Variants in ATP8B3 observed in about 807,000 individuals in gnomAD.
ATP8B3 encodes the protein phospholipid-transporting ATPase IK.
ATP8B3 carries 141 observed loss-of-function variants against 140.9 expected under a neutral mutation model. That is an observed-to-expected ratio of 1.00 (90% CI 0.87 to 1.15). The LOEUF is 1.15. Ranked by LOEUF, ATP8B3 falls within the 50% of genes most tolerant of loss-of-function variation. The pLI is 0.00. For synonymous variants in ATP8B3, 765 were observed against 714.6 expected (o/e 1.07, Z -1.13); for missense variants, 1,874 against 1,740.6 (o/e 1.08, Z -1.36).
At chr19:1,790,080 T>G in intron 21 of ATP8B3, 91 bp from the exon 22 acceptor site, 2 of 774,096 alleles carry the variant, frequency 2.6e-6, no homozygotes, top group Non-Finnish European at 3.9e-6. Context: ...CCCCTTCCAC[T>G]GCCCACTCCC....
At position 1,802,526 on chromosome 19, in the gene ATP8B3, G is replaced by A. The variant is rs762490848; in HGVS notation, c.1024C>T (p.Arg342Cys). 29 of 1,606,748 alleles carry A rather than the reference G, an allele frequency of 1.8e-5. No individual in the cohort carries two copies. Among genetic ancestry groups the A allele is most frequent in the South Asian group, 1.2e-4 (11 of 90,778 alleles). Residue 342 changes from arginine to cysteine, a missense_variant, in exon 11 of 29, where the codon CGC becomes TGC. Physicochemically the swap from Arg to Cys is radical, Grantham distance 180. This residue lies in a region of ATP8B3 where 1,032 missense variants were observed against 963.6 expected (regional missense o/e 1.07). Transcript: ENST00000310127. ...AGTCCATAGCAGGTGTCTGTGTTGC[G>A]AATCCTGCAGCCTCGGAGGAGGAGG... ...GNLLLRGCRI[R>C]NTDTCYGLVI...
chr19:1,782,363 T>C lies in ATP8B3; in HGVS notation c.*665A>G. On this transcript the variant is annotated 3_prime_UTR_variant, in exon 29 of 29. Transcript: ENST00000310127. ...CTCTGGGGGCAAGGATAGCTGCTCC[T>C]CCCCGGGCACCAGCAGCCACTCCAT... 7.4e-6 allele frequency: 2 copies of C among 269,824 alleles called. No individual in the cohort carries two copies. The highest frequency in any genetic ancestry group is 6.9e-6 in the Non-Finnish European group (1 of 144,154). 16.7% of individuals were successfully genotyped at this position (269,824 alleles called of 1,614,324 possible).
At chr19:1,786,760 G>A (rs1043894015) in intron 25 of ATP8B3, among the ~76,000 whole-genome samples, 5 of 137,698 alleles carry the variant, frequency 3.6e-5, no homozygotes, top group African/African-American at 7.9e-5. Context: ...CCCAGATCAC[G>A]TAGCCAGGGC....
In ATP8B3 at chr19:1,796,870, AGG is replaced by A. The variant is rs2068695223; in HGVS notation, c.1592_1593del (p.Pro531LeufsTer51). 5 of 1,599,458 alleles carry A rather than the reference AGG, an allele frequency of 3.1e-6. No individual in the cohort carries two copies. Among genetic ancestry groups the A allele is most frequent in the Admixed American group, 1.7e-5 (1 of 59,580 alleles). ...SEATTRPKENPYLWNKFADGK... is the reference protein window; with the variant it reads ...SEATTRPKENXYLWNKFADGK... Reference sequence around the variant, plus strand: ...CCGTCGGCGAACTTGTTCCAGAGGTAGGGGTTCTCCTGGGGGTGGCGGGGGCA... The same window carrying A: ...CCGTCGGCGAACTTGTTCCAGAGGTAGGTTCTCCTGGGGGTGGCGGGGGCA... On this transcript the variant is annotated frameshift_variant, in exon 16 of 29. Coordinates refer to ENST00000310127, the MANE Select transcript of ATP8B3 (RefSeq NM_138813.4). LOFTEE classifies it high-confidence loss of function.
intron 24 of ATP8B3, among the ~76,000 whole-genome samples, chr19:1,788,093 G>A (rs544006692): frequency 1.3e-5 from 2 of 152,184 alleles, no homozygotes; most frequent in South Asian, 2.1e-4. Context: ...ACTTACTAAG[G>A]GGTTTCTGTA....
At chr19:1,787,758 A>C (rs2068354506) in intron 24 of ATP8B3, among the ~76,000 whole-genome samples, 1 of 115,732 alleles carries the variant, frequency 8.6e-6, no homozygotes, top group Non-Finnish European at 1.8e-5. Flanking sequence ...AAAAAAAAAA[A>C]AAACGCTGGG....
intron 14 of ATP8B3, chr19:1,799,571 G>C (rs1338460833): frequency 2.3e-6 from 1 of 433,356 alleles, no homozygotes; most frequent in African/African-American, 2.1e-5. Context: ...TTCGAGACCA[G>C]CATGGCCAAC....
At position 1,805,639 on chromosome 19, in the gene ATP8B3, A is replaced by G. The variant is rs1348465253; in HGVS notation, c.822-183T>C. Among the ~76,000 whole-genome samples the G allele has an allele frequency of 6.6e-6, 1 of 152,056 alleles. No homozygotes were observed. Among genetic ancestry groups the G allele is most frequent in the Admixed American group, 6.6e-5 (1 of 15,266 alleles). On this transcript the variant is annotated intron_variant, in intron 9 of 28. Coordinates refer to ENST00000310127, the MANE Select transcript of ATP8B3 (RefSeq NM_138813.4). This position sits in a 1 kb window ranked among gnomAD's most constrained non-coding sequence, Gnocchi z 5.2. ...GCCCAAGGCCACACAGCACATTTGC[A>G]AAGTGCTGAGGCCAGGGCCTAGGGC...
At chr19:1,802,070 C>T (rs1397854715) in intron 11 of ATP8B3, 26 bp from the exon 12 acceptor site, 7 of 919,378 alleles carry the variant, frequency 7.6e-6, no homozygotes, top group Admixed American at 3.1e-5. Context: ...CATCTATCCA[C>T]CCACCCACCC....
At position 1,800,865 on chromosome 19, in the gene ATP8B3, C is replaced by G. The variant is rs1181564841; in HGVS notation, c.1153-416G>C. Among the ~76,000 whole-genome samples the G allele has an allele frequency of 2.7e-5, 4 of 147,598 alleles. No homozygotes were observed. Among genetic ancestry groups the G allele is most frequent in the Non-Finnish European group, 6.0e-5 (4 of 67,156 alleles). On this transcript the variant is annotated intron_variant, in intron 12 of 28. Coordinates refer to ENST00000310127, the MANE Select transcript of ATP8B3 (RefSeq NM_138813.4). The surrounding 1 kb of genome is among the most constrained non-coding windows in gnomAD (Gnocchi z 4.4). Reference sequence around the variant, plus strand: ...TTTTTTTGAGACAGAGTCTCGCTCTCTCTCCCAGGCTGGAGTGCAGTGGCG... The same window carrying G: ...TTTTTTTGAGACAGAGTCTCGCTCTGTCTCCCAGGCTGGAGTGCAGTGGCG...
chr19:1,789,810 AG>A, intron 22 of ATP8B3, 79 bp downstream of exon 22: 1 of 1,580,520 alleles, frequency 6.3e-7, no homozygotes, highest in East Asian at 2.3e-5. Context: ...CCTCGCCAGC[AG>A]TCCCCACCCC....
intron 12 of ATP8B3, 34 bp downstream of exon 12, chr19:1,801,922 G>T: frequency 1.3e-6 from 2 of 1,527,884 alleles, no homozygotes. Context: ...ACTCCTCTGT[G>T]TTCCTGGGGC....
intron 18 of ATP8B3, among the ~76,000 whole-genome samples, chr19:1,793,944 G>T (rs527284826): frequency 6.6e-6 from 1 of 152,036 alleles, no homozygotes; most frequent in Admixed American, 6.6e-5. Flanking sequence ...GTTTCACCAG[G>T]TTGGTCAGGC....
rs1203637109 is a variant in ATP8B3, at chr19:1,805,114, C to A, written c.904+260G>T. 6.6e-6 allele frequency: 3 copies of A among 452,672 alleles called. No homozygotes were observed. The highest frequency in any genetic ancestry group is 6.0e-5 in the African/African-American group (3 of 50,156). 28.0% of individuals were successfully genotyped at this position (452,672 alleles called of 1,614,324 possible). ...CCTCAGCCTCCCAAGTAGCTGGGAC[C>A]ACCGGCATGTGCCACCACGCCCAGC... On this transcript the variant is annotated intron_variant, in intron 10 of 28. Transcript: ENST00000310127. This position sits in a 1 kb window ranked among gnomAD's most constrained non-coding sequence, Gnocchi z 5.2.
At chr19:1,802,412 C>CCCCCCCCCCCCCCCCCCCCA in intron 11 of ATP8B3, 75 bp downstream of exon 11, 1 of 372,450 alleles carries the variant, frequency 2.7e-6, no homozygotes. Flanking sequence ...CACCTACCCA[C>CCCCCCCCCCCCCCCCCCCCA]CCACCCATCC....
chr19:1,800,533 G>A lies in ATP8B3; in HGVS notation c.1153-84C>T. 7.9e-7 allele frequency: 1 copy of A among 1,264,310 alleles called. No homozygotes were observed. Among genetic ancestry groups the A allele is most frequent in the Non-Finnish European group, 1.1e-6 (1 of 899,190 alleles). The allele number at this position is 1,264,310 out of a possible 1,614,324, so 78.3% of individuals were successfully genotyped here. On this transcript the variant is annotated intron_variant, in intron 12 of 28. Coordinates refer to ENST00000310127, the MANE Select transcript of ATP8B3 (RefSeq NM_138813.4). The surrounding 1 kb of genome is among the most constrained non-coding windows in gnomAD (Gnocchi z 4.4). ...AGGATGGGGTAAACACAAAGATAAG[G>A]CTGGGGCTGGGCACAGTGGCTCATG...
In ATP8B3 at chr19:1,785,282, T is replaced by C. The variant is rs1450908801; in HGVS notation, c.3409A>G (p.Lys1137Glu). The C allele has an allele frequency of 1.2e-6, 2 of 1,601,982 alleles. No individual in the cohort carries two copies. Among genetic ancestry groups the C allele is most frequent in the Non-Finnish European group, 8.5e-7 (1 of 1,174,202 alleles). Residue 1137 changes from lysine (K) to glutamate (E), a missense_variant, in exon 27 of 29, where the codon AAG becomes GAG. By Grantham distance (56) the Lys-to-Glu change is moderately conservative. Transcript: ENST00000310127. ...GCCACGCACAGGGCGGTCCAGTACT[T>C]GATGATAAGAATGACCTGGACAGGC... Reference protein sequence around the residue: ...SITMEVILIIKYWTALCVATI... With the variant: ...SITMEVILIIEYWTALCVATI...
chr19:1,804,268 T>G (rs1460633868), intron 10 of ATP8B3, among the ~76,000 whole-genome samples: 1 of 151,880 alleles, frequency 6.6e-6, no homozygotes, highest in Non-Finnish European at 1.5e-5. Context: ...CCAAGGTGGG[T>G]GGATCACCTG....
chr19:1,802,652 G>A lies in ATP8B3; in HGVS notation c.905-7C>T, dbSNP rs750424806. On this transcript the variant is annotated splice_polypyrimidine_tract_variant and splice_region_variant and intron_variant, in intron 10 of 28. Transcript: ENST00000310127. ...GCCTCACACGTCACTGTGCCTGTGGGTGGCCAGGTGGTCAGTGGGTCAGTG... is the reference window on the plus strand; with the variant it reads ...GCCTCACACGTCACTGTGCCTGTGGATGGCCAGGTGGTCAGTGGGTCAGTG... The A allele has an allele frequency of 6.2e-7, 1 of 1,606,082 alleles. No individual in the cohort carries two copies. Among genetic ancestry groups the A allele is most frequent in the Non-Finnish European group, 8.5e-7 (1 of 1,177,074 alleles).
Sources: gnomAD v4.1 joint callset for allele counts (sites outside exome capture counted in the v4.1 genomes callset) on GRCh38, gnomAD v4.1.1 for gene constraint, gnomAD v4.1.1 regional missense constraint, Gnocchi (gnomAD v3.1) non-coding constraint, MANE v1.5 for transcripts, NCBI Gene and HGNC (gene_info 2026-07-23, HGNC 2026-07-21) for gene names.